Variants in THADA observed in about 807,000 individuals in gnomAD.
THADA encodes the protein THADA armadillo repeat containing, also known as tRNA (32-2'-O)-methyltransferase regulator THADA.
Under a neutral mutation model 219.8 loss-of-function variants are expected in THADA, and 213 were observed. That is an observed-to-expected ratio of 0.97 (90% CI 0.87 to 1.09). The LOEUF (loss-of-function observed/expected upper bound fraction) is 1.09, where lower values mean the gene tolerates loss of function less well. Ranked by LOEUF, THADA falls within the 50% of genes least tolerant of loss-of-function variation. The pLI, the probability that THADA is intolerant of heterozygous loss-of-function variation, is 0.00. For missense variants in THADA, 2,956 were observed against 2,311.3 expected, an observed-to-expected ratio of 1.28 and a Z score of -5.72; for synonymous variants, 1,018 against 828.9, an observed-to-expected ratio of 1.23 and a Z score of -3.92.
Position 43,464,634 on chromosome 2 carries a change from A to G in THADA, c.3836+20600T>C, listed in dbSNP as rs1206315406. On this transcript the variant is annotated intron_variant, in intron 26 of 37. Coordinates refer to ENST00000405975, the MANE Select transcript of THADA (RefSeq NM_022065.5). ...CATGAGCTACATAACAAGCACAAGA[A>G]CAAACCAAAATTCCCCAGAAAAATC... Among the ~76,000 whole-genome samples, 3 of 152,234 alleles carry G rather than the reference A, an allele frequency of 2.0e-5. No individual in the cohort carries two copies. The East Asian group carries it at 5.8e-4, about 29-fold the overall frequency.
chr2:43,383,097 C>A (rs572969641), intron 29 of THADA, among the ~76,000 whole-genome samples: 15 of 152,176 alleles, frequency 9.9e-5, no homozygotes, highest in African/African-American at 3.1e-4. Context: ...TGTATGAACA[C>A]TTATGGGATG....
intron 26 of THADA, among the ~76,000 whole-genome samples, chr2:43,438,128 C>T (rs902309519): frequency 1.3e-5 from 2 of 151,732 alleles, no homozygotes; most frequent in Non-Finnish European, 2.9e-5. Context: ...AGTGAAACCC[C>T]GTCTCTACTA....
chr2:43,542,775 A>T (rs1695492173), intron 20 of THADA, among the ~76,000 whole-genome samples: 1 of 152,212 alleles, frequency 6.6e-6, no homozygotes, highest in African/African-American at 2.4e-5. Flanking sequence ...CTGTCAAGGC[A>T]GGTTTTATCA....
chr2:43,465,926 G>A (rs561899160), intron 26 of THADA, among the ~76,000 whole-genome samples: 4 of 152,088 alleles, frequency 2.6e-5, no homozygotes, highest in South Asian at 4.2e-4. Context: ...GCTGTAAATG[G>A]CACCATGAGC....
intron 16 of THADA, 58 bp downstream of exon 16, chr2:43,560,176 T>G: frequency 6.8e-7 from 1 of 1,459,946 alleles, no homozygotes; most frequent in Non-Finnish European, 9.3e-7. Flanking sequence ...GATTGCTTTA[T>G]CTGCTGATAG....
chr2:43,515,526 A>G (rs1267500178), intron 22 of THADA, among the ~76,000 whole-genome samples: 1 of 147,378 alleles, frequency 6.8e-6, no homozygotes, highest in Non-Finnish European at 1.5e-5. Context: ...ACCATAAAGT[A>G]TGTGTGTGTA....
chr2:43,256,062 G>C (rs1019319737), intron 36 of THADA, among the ~76,000 whole-genome samples: 10 of 152,098 alleles, frequency 6.6e-5, no homozygotes, highest in Non-Finnish European at 2.9e-5. Flanking sequence ...ATTCTTTCAG[G>C]CTCTTTTAAA....
chr2:43,514,212 G>A (rs1184542172), intron 22 of THADA, among the ~76,000 whole-genome samples: 2 of 151,730 alleles, frequency 1.3e-5, no homozygotes, highest in Admixed American at 1.3e-4. Flanking sequence ...CACTTTGGAA[G>A]GACGAGGCAG....
chr2:43,467,179 C>CT (rs1684349305), intron 26 of THADA, among the ~76,000 whole-genome samples: 1 of 51,464 alleles, frequency 1.9e-5, no homozygotes, highest in African/African-American at 7.4e-5. Context: ...GAGACTCCGT[C>CT]TCAAAAAAAA....
chr2:43,296,596 A>C (rs1675419110), intron 31 of THADA, among the ~76,000 whole-genome samples: 1 of 152,078 alleles, frequency 6.6e-6, no homozygotes, highest in African/African-American at 2.4e-5. Flanking sequence ...TTTATAAAGC[A>C]GTGGGGGAAA....
intron 4 of THADA, among the ~76,000 whole-genome samples, chr2:43,588,726 T>C (rs1432862264): frequency 6.6e-6 from 1 of 152,148 alleles, no homozygotes; most frequent in Non-Finnish European, 1.5e-5. Flanking sequence ...ACAAGCATTC[T>C]AATTCAATGG....
chr2:43,448,560 C>CTTTTTTTTTTTTTTTTTTTTTTTT (rs71410179), intron 26 of THADA, among the ~76,000 whole-genome samples: 3 of 103,630 alleles, frequency 2.9e-5, no homozygotes, highest in Non-Finnish European at 5.7e-5. Context: ...TTCTTCCTTT[C>CTTTTTTTTTTTTTTTTTTTTTTTT]TTTTTTTTTT....
intron 29 of THADA, among the ~76,000 whole-genome samples, chr2:43,346,475 C>T (rs1424807608): frequency 6.6e-6 from 1 of 152,128 alleles, no homozygotes; most frequent in African/African-American, 2.4e-5. Flanking sequence ...CAAGGCAACT[C>T]TTTCTTCCTC....
At chr2:43,458,645 A>T (rs2104920532) in intron 26 of THADA, among the ~76,000 whole-genome samples, 1 of 152,224 alleles carries the variant, frequency 6.6e-6, no homozygotes, top group South Asian at 2.1e-4. Flanking sequence ...ATCCTAGCCT[A>T]CATCTCCGGT....
intron 22 of THADA, among the ~76,000 whole-genome samples, chr2:43,524,341 T>C (rs17030980): frequency 0.13 from 20,521 of 152,232 alleles, 1,726 homozygotes; most frequent in African/African-American, 0.23. Flanking sequence ...TGAAGACATT[T>C]TGCATAATCC....
At chr2:43,338,639 G>A (rs1666751490) in intron 30 of THADA, among the ~76,000 whole-genome samples, 1 of 152,006 alleles carries the variant, frequency 6.6e-6, no homozygotes, top group African/African-American at 2.4e-5. Flanking sequence ...GGCTTATTTC[G>A]CTTAGCATAA....
At chr2:43,407,924 A>ATT (rs59773299) in intron 28 of THADA, among the ~76,000 whole-genome samples, 2 of 152,038 alleles carry the variant, frequency 1.3e-5, no homozygotes, top group African/African-American at 2.4e-5. Flanking sequence ...TCCTGTGCCA[A>ATT]TTTTTTTGTT....
chr2:43,358,111 G>T (rs111333476), intron 29 of THADA, among the ~76,000 whole-genome samples: 1 of 152,184 alleles, frequency 6.6e-6, no homozygotes, highest in African/African-American at 2.4e-5. Flanking sequence ...CCACTTGGTG[G>T]GGGAGGACGG....
At chr2:43,595,746 A>T (rs1389126075) in intron 1 of THADA, 185 bp downstream of exon 1, 1 of 152,342 alleles carries the variant, frequency 6.6e-6, no homozygotes, top group Non-Finnish European at 1.5e-5. Context: ...GAGGAATGAC[A>T]GTGGGAGAAA....
Sources: gnomAD v4.1 joint callset for allele counts (sites outside exome capture counted in the v4.1 genomes callset) on GRCh38, gnomAD v4.1.1 for gene constraint, MANE v1.5 for transcripts, NCBI Gene and HGNC (gene_info 2026-07-23, HGNC 2026-07-21) for gene names.